The following POC5 variants were observed in gnomAD, a reference collection of about 807,000 sequenced individuals.
The protein encoded by POC5 is centrosomal protein POC5.
In POC5, 48 loss-of-function variants were observed where a neutral mutation model predicts 62.9. The observed-to-expected ratio is 0.76, with a 90% CI of 0.61 to 0.97. The LOEUF is 0.97. Ranked by LOEUF, POC5 falls within the 50% of genes least tolerant of loss-of-function variation. The pLI, the probability that POC5 is intolerant of heterozygous loss-of-function variation, is 0.00. For synonymous variants in POC5, 236 were observed against 228.2 expected (o/e 1.03, Z -0.31); for missense variants, 696 against 679.5 (o/e 1.02, Z -0.27).
chr5:75,681,616 A>G (rs1775868639), intron 10 of POC5, among the ~76,000 whole-genome samples: 2 of 148,620 alleles, frequency 1.3e-5, no homozygotes, highest in South Asian at 4.1e-4. Context: ...TTTTATTTAA[A>G]TTTAAATAAT....
chr5:75,690,283 C>G, intron 8 of POC5, 100 bp downstream of exon 8: 1 of 1,152,032 alleles, frequency 8.7e-7, no homozygotes, highest in Non-Finnish European at 1.2e-6. Flanking sequence ...TGTCTGCATT[C>G]TTGATTAAAG....
chr5:75,683,455 G>T (rs985615428), intron 10 of POC5, among the ~76,000 whole-genome samples: 2 of 151,752 alleles, frequency 1.3e-5, no homozygotes, highest in African/African-American at 4.8e-5. Context: ...GGCTGGTCTT[G>T]AACTCCTGAC....
chr5:75,701,851 A>T (rs1235731033), intron 5 of POC5, among the ~76,000 whole-genome samples: 1 of 152,256 alleles, frequency 6.6e-6, no homozygotes, highest in African/African-American at 2.4e-5. Context: ...TACACATCAT[A>T]GTTGCTATAG....
rs1263261449 is a variant in POC5 at position 75,694,706 on chromosome 5, T to C, written c.639A>G (p.Glu213=). The change falls in exon 6 of 12, where the codon GAA becomes GAG. Residue 213 remains glutamate, a synonymous_variant. Coordinates refer to ENST00000428202, the MANE Select transcript of POC5 (RefSeq NM_001099271.2). ...CAAAGGTTTTTTGCAGCTCCTTCAA[T>C]TCATTGATCTGATTACACAGTTGTT... ...HLKQLCNQIN[E]LKELQKTFEI... The C allele has an allele frequency of 6.3e-7, 1 of 1,586,896 alleles. No individual in the cohort carries two copies. The highest frequency in any genetic ancestry group is 1.4e-5 in the African/African-American group (1 of 73,362).
chr5:75,709,901 G>C (rs1777273651), intron 2 of POC5, among the ~76,000 whole-genome samples: 1 of 152,224 alleles, frequency 6.6e-6, no homozygotes, highest in African/African-American at 2.4e-5. Context: ...CCCAGGGTTT[G>C]ATTTGGGCAA....
At position 75,676,845 on chromosome 5, in the gene POC5, AAAATAAAT is replaced by A. The variant is rs145760718; in HGVS notation, c.1584+921_1584+928del. 2.1e-4 allele frequency among the ~76,000 whole-genome samples: 32 copies of A among 149,774 alleles called. No individual in the cohort carries two copies. The South Asian group carries it at 2.7e-3, about 13-fold the overall frequency. The stretch of plus-strand genomic sequence containing the variant: ...CTGTCTCAAAAAAAAAAATAAATAA[AAAATAAAT>A]AAATAAATAAATAAATAAATCCTTG... On this transcript the variant is annotated intron_variant, in intron 11 of 11. Transcript: ENST00000428202.
chr5:75,701,837 C>G (rs1356647829), intron 5 of POC5, among the ~76,000 whole-genome samples: 2 of 152,162 alleles, frequency 1.3e-5, no homozygotes, highest in African/African-American at 2.4e-5. Flanking sequence ...ATAGTTTTAT[C>G]ACTTACACAT....
In POC5 at chr5:75,685,315, G is replaced by A. The variant is rs965865365; in HGVS notation, c.1299C>T (p.Pro433=). The A allele has an allele frequency of 1.2e-6, 2 of 1,613,926 alleles. No homozygotes were observed. The highest frequency in any genetic ancestry group is 8.5e-7 in the Non-Finnish European group (1 of 1,179,910). Residue 433 remains proline, a synonymous_variant, in exon 10 of 12, where the codon CCC becomes CCT. Transcript: ENST00000428202. ...AVGGASATAV[P]SAASMTSTRA... ...TGGTAGAAGTCATCGAAGCAGCTGA[G>A]GGAACGGCAGTCGCGCTGGCTCCTC...
intron 4 of POC5, 31 bp from the exon 5 acceptor site, chr5:75,702,841 C>G: frequency 6.7e-7 from 1 of 1,492,032 alleles, no homozygotes; most frequent in Non-Finnish European, 9.1e-7. Context: ...AGCTGTCAAG[C>G]CAAATTGAAA....
chr5:75,686,884 T>G (rs993847710), intron 9 of POC5, among the ~76,000 whole-genome samples: 1 of 152,130 alleles, frequency 6.6e-6, no homozygotes, highest in African/African-American at 2.4e-5. Flanking sequence ...AACCTCTAAT[T>G]TGTAAGATTT....
intron 2 of POC5, among the ~76,000 whole-genome samples, chr5:75,709,920 C>G (rs767855404): frequency 3.3e-5 from 5 of 152,164 alleles, no homozygotes; most frequent in Non-Finnish European, 5.9e-5. Flanking sequence ...AAATGGCCAC[C>G]CAGCTACATT....
chr5:75,716,015 G>A (rs930072122), intron 1 of POC5, among the ~76,000 whole-genome samples: 1 of 152,156 alleles, frequency 6.6e-6, no homozygotes, highest in African/African-American at 2.4e-5. Flanking sequence ...TCACTGGAAA[G>A]TAAAACAATT....
chr5:75,702,833 C>T, intron 4 of POC5, 23 bp from the exon 5 acceptor site: 1 of 1,509,362 alleles, frequency 6.6e-7, no homozygotes, highest in Non-Finnish European at 9.0e-7. Flanking sequence ...AAAGTTGTAG[C>T]TGTCAAGCCA....
intron 11 of POC5, among the ~76,000 whole-genome samples, chr5:75,676,896 T>C (rs1048957881): frequency 6.6e-6 from 1 of 152,060 alleles, no homozygotes; most frequent in Non-Finnish European, 1.5e-5. Flanking sequence ...TTAGGGATGT[T>C]CTTATCACTC....
At chr5:75,702,063 C>T (rs889713049) in intron 5 of POC5, among the ~76,000 whole-genome samples, 2 of 151,862 alleles carry the variant, frequency 1.3e-5, no homozygotes, top group African/African-American at 4.8e-5. Flanking sequence ...CCTGGCAACT[C>T]AAAGTACAGT....
At chr5:75,709,197 T>C (rs530373548) in intron 2 of POC5, among the ~76,000 whole-genome samples, 1 of 152,214 alleles carries the variant, frequency 6.6e-6, no homozygotes, top group Non-Finnish European at 1.5e-5. Flanking sequence ...CTGATTTTTA[T>C]ATATTTTAAG....
At chr5:75,677,641 TA>T in intron 11 of POC5, 132 bp downstream of exon 11, 1 of 579,304 alleles carries the variant, frequency 1.7e-6, no homozygotes, top group Non-Finnish European at 2.5e-6. Context: ...AAAAAAACTG[TA>T]ACAGGAAAAG....
chr5:75,675,628 C>T (rs754450755), intron 11 of POC5, among the ~76,000 whole-genome samples: 3 of 152,106 alleles, frequency 2.0e-5, no homozygotes, highest in Non-Finnish European at 4.4e-5. Flanking sequence ...TTTATTTGTA[C>T]ATAAACAACT....
chr5:75,685,369 T>C lies in POC5; in HGVS notation c.1245A>G (p.Pro415=). ...CGGCGGCTGGTGGGGATGGCAGCAG[T>C]GGTGATGTAACTGGTAAGGGCATCG... The part of the protein sequence containing the change: ...APPMPLPVTS[P]LLPSPPAAVG... The change falls in exon 10 of 12, where the codon CCA becomes CCG. Residue 415 remains proline, a synonymous_variant. Coordinates refer to ENST00000428202, the MANE Select transcript of POC5 (RefSeq NM_001099271.2). 6.2e-7 allele frequency: 1 copy of C among 1,613,960 alleles called. No homozygotes were observed. Among genetic ancestry groups the C allele is most frequent in the Non-Finnish European group, 8.5e-7 (1 of 1,179,888 alleles).
Sources: gnomAD v4.1 joint callset for allele counts (sites outside exome capture counted in the v4.1 genomes callset) on GRCh38, gnomAD v4.1.1 for gene constraint, MANE v1.5 for transcripts, NCBI Gene and HGNC (gene_info 2026-07-23, HGNC 2026-07-21) for gene names.